Variants in MRPL46 observed in about 807,000 individuals in gnomAD.
MRPL46 encodes mitochondrial ribosomal protein L46, also known as large ribosomal subunit protein mL46.
MRPL46 carries 26 observed loss-of-function variants against 31.0 expected under a neutral mutation model. The ratio of observed to expected loss-of-function variants is 0.84; its 90% CI spans 0.61 to 1.16. The LOEUF (loss-of-function observed/expected upper bound fraction) is 1.16, where lower values mean the gene tolerates loss of function less well. MRPL46 is among the 50% of genes most tolerant of loss of function. The pLI, the probability that MRPL46 is intolerant of heterozygous loss-of-function variation, is 0.00. For missense variants in MRPL46, 395 were observed against 340.0 expected (o/e 1.16, Z -1.27); for synonymous variants, 159 against 141.3 (o/e 1.13, Z -0.89).
rs1191883328 is a variant in MRPL46 at position 88,459,480 on chromosome 15, G to C, written c.*133C>G. On this transcript the variant is annotated 3_prime_UTR_variant, in exon 4 of 4. Coordinates refer to ENST00000312475, the MANE Select transcript of MRPL46 (RefSeq NM_022163.4). Reference sequence around the variant, plus strand: ...GGGCAAATCAGCTGAGACCAACACAGTAATAGACTCGTTTATTTCTCAGAA... The same window carrying C: ...GGGCAAATCAGCTGAGACCAACACACTAATAGACTCGTTTATTTCTCAGAA... 3 of 1,377,798 alleles carry C rather than the reference G, an allele frequency of 2.2e-6. No homozygotes were observed. The highest frequency in any genetic ancestry group is 2.9e-5 in the African/African-American group (2 of 69,626). The allele number at this position is 1,377,798 out of a possible 1,614,324, so 85.3% of individuals were successfully genotyped here.
Position 88,465,762 on chromosome 15 carries a change from C to G in MRPL46, c.240G>C (p.Glu80Asp), listed in dbSNP as rs1420169652. The G allele has an allele frequency of 6.3e-7, 1 of 1,583,032 alleles. No homozygotes were observed. The highest frequency in any genetic ancestry group is 2.0e-5 in the Admixed American group (1 of 51,012). Reference sequence around the variant, plus strand: ...GCTCGTGGTCTGAATACAGGCTTCTCTCTATCTCAATCTGGGAAAATTCAA... The same window carrying G: ...GCTCGTGGTCTGAATACAGGCTTCTGTCTATCTCAATCTGGGAAAATTCAA... ...MASLLQQIEIERSLYSDHELR... is the reference protein window; with the variant it reads ...MASLLQQIEIDRSLYSDHELR... Residue 80 changes from glutamate (E) to aspartate (D), a missense_variant, in exon 2 of 4, where the codon GAG becomes GAC. Coordinates refer to ENST00000312475, the MANE Select transcript of MRPL46 (RefSeq NM_022163.4).
At position 88,459,798 on chromosome 15, in the gene MRPL46, G is replaced by A. The variant is rs367735118; in HGVS notation, c.655C>T (p.Gln219Ter). 1.9e-6 allele frequency: 3 copies of A among 1,614,060 alleles called. No individual in the cohort carries two copies. Among genetic ancestry groups the A allele is most frequent in the African/African-American group, 2.7e-5 (2 of 74,922 alleles). ...PCGHYTFKFP[Q>*]AMRTESNLGA... ...AGGTTACTCTCTGTCCGCATTGCCT[G>A]GGGGAACTTGAATGTGTAGTGCCCA... The change falls in exon 4 of 4, where the codon CAG (glutamine) becomes TAG (stop). Residue 219 changes from glutamine to a stop codon, truncating the protein, a stop_gained. Coordinates refer to ENST00000312475, the MANE Select transcript of MRPL46 (RefSeq NM_022163.4). LOFTEE classifies it high-confidence loss of function.
intron 2 of MRPL46, 117 bp from the exon 3 acceptor site, chr15:88,464,993 C>T: frequency 1.8e-6 from 2 of 1,117,136 alleles, no homozygotes; most frequent in Non-Finnish European, 2.5e-6. Context: ...GAGCTTAGAA[C>T]CAAATTACAC....
At chr15:88,466,079 AGT>A (rs1292733439) in intron 1 of MRPL46, among the ~76,000 whole-genome samples, 6 of 152,208 alleles carry the variant, frequency 3.9e-5, no homozygotes, top group African/African-American at 1.2e-4. Context: ...CAGTCATGTC[AGT>A]CTTTGATCAG....
chr15:88,459,914 T>C (rs1264314410), intron 3 of MRPL46, 51 bp from the exon 4 acceptor site: 18 of 1,598,698 alleles, frequency 1.1e-5, no homozygotes, highest in Non-Finnish European at 1.5e-5. Flanking sequence ...GATACAGCCA[T>C]CTGTTTACTC....
chr15:88,462,654 C>T (rs2055488188), intron 3 of MRPL46: 1 of 152,184 alleles, frequency 6.6e-6, no homozygotes, highest in Non-Finnish European at 1.5e-5. Flanking sequence ...CTGCACTTAC[C>T]AAAAACTGAA....
Position 88,465,629 on chromosome 15 carries a change from C to T in MRPL46, c.373G>A (p.Glu125Lys). The T allele has an allele frequency of 6.2e-7, 1 of 1,613,026 alleles. No homozygotes were observed. Among genetic ancestry groups the T allele is most frequent in the Non-Finnish European group, 8.5e-7 (1 of 1,179,766 alleles). The change falls in exon 2 of 4, where the codon GAG becomes AAG. Residue 125 changes from glutamate (E) to lysine (K), a missense_variant. Transcript: ENST00000312475. ...LLAQDLEDMW[E>K]QKFLQFKLGA... is the part of the protein sequence containing the mutation. Reference sequence around the variant, plus strand: ...AGTTTGAACTGTAGAAATTTCTGCTCCCACATATCTTCCAAATCTTGCGCC... The same window carrying T: ...AGTTTGAACTGTAGAAATTTCTGCTTCCACATATCTTCCAAATCTTGCGCC...
intron 1 of MRPL46, among the ~76,000 whole-genome samples, chr15:88,466,425 T>C (rs534500705): frequency 1.5e-4 from 23 of 152,226 alleles, no homozygotes; most frequent in Non-Finnish European, 2.8e-4. Flanking sequence ...CTCACTCAAC[T>C]AGACTGAAGT....
At chr15:88,462,682 C>G (rs1363418139) in intron 3 of MRPL46, 1 of 152,166 alleles carries the variant, frequency 6.6e-6, no homozygotes, top group Middle Eastern at 3.2e-3. Context: ...CATCTTTGAC[C>G]CATTAATTCT....
chr15:88,467,346 C>G lies in MRPL46; in HGVS notation c.32G>C (p.Gly11Ala), dbSNP rs568047810. 1.3e-6 allele frequency: 2 copies of G among 1,597,852 alleles called. No individual in the cohort carries two copies. Among genetic ancestry groups the G allele is most frequent in the Non-Finnish European group, 1.7e-6 (2 of 1,172,164 alleles). ...GAACCGCCGCCAACCCCCCGCCACC[C>G]CTAACAGCGTCCGCCTTACGGGCGC... MAAPVRRTLL[G>A]VAGGWRRFER... Residue 11 changes from glycine (G) to alanine (A), a missense_variant, in exon 1 of 4, where the codon GGG becomes GCG. Gly to Ala is a moderately conservative substitution (Grantham distance 60). Transcript: ENST00000312475.
rs764597330 is a variant in MRPL46 at position 88,467,171 on chromosome 15, C to A, written c.207G>T (p.Glu69Asp). The A allele has an allele frequency of 3.7e-6, 6 of 1,614,078 alleles. No homozygotes were observed. In the South Asian group the frequency reaches 6.6e-5, roughly 18 times the overall value. Reference protein sequence around the residue: ...VSKPLTPLQEEMASLLQQIEI... With the variant: ...VSKPLTPLQEDMASLLQQIEI... ...CCACCTGCTGCAGTAGAGACGCCAT[C>A]TCTTCCTGCAATGGGGTCAACGGCT... The change falls in exon 1 of 4, where the codon GAG becomes GAT. Residue 69 changes from glutamate (E) to aspartate (D), a missense_variant. By Grantham distance (45) the Glu-to-Asp change is conservative. Transcript: ENST00000312475.
In MRPL46 at chr15:88,467,225, C is replaced by A. The variant is rs766526326; in HGVS notation, c.153G>T (p.Leu51Phe). 4.3e-6 allele frequency: 7 copies of A among 1,614,050 alleles called. No homozygotes were observed. The highest frequency in any genetic ancestry group is 5.1e-6 in the Non-Finnish European group (6 of 1,180,036). ...AGACTACAGGTGGCCGCTGCAGGCACAACGCGCCCAACAAGCGCCATGGGG... is the reference window on the plus strand; with the variant it reads ...AGACTACAGGTGGCCGCTGCAGGCAAAACGCGCCCAACAAGCGCCATGGGG... ...NGSPWRLLGA[L>F]CLQRPPVVSK... The change falls in exon 1 of 4, where the codon TTG becomes TTT. Residue 51 changes from leucine (L) to phenylalanine (F), a missense_variant. Leu to Phe is a conservative substitution (Grantham distance 22, BLOSUM62 0). Transcript: ENST00000312475.
chr15:88,466,880 T>C lies in MRPL46; in HGVS notation c.228+270A>G, dbSNP rs145197571. On this transcript the variant is annotated intron_variant, in intron 1 of 3. Transcript: ENST00000312475. ...TCCCTCCAGACTTGTAAGCTCCTAG[T>C]GACACGGACCGATTCTTGTTCACCA... Among the ~76,000 whole-genome samples, 394 of 152,342 alleles carry C rather than the reference T, an allele frequency of 2.6e-3. 3 individuals carry two copies. Among genetic ancestry groups the C allele is most frequent in the African/African-American group, 8.9e-3 (372 of 41,582 alleles).
rs1342541931 is a variant in MRPL46, at chr15:88,463,900, C to T, written c.589+803G>A. The T allele has an allele frequency of 6.6e-6, 1 of 152,172 alleles. No individual in the cohort carries two copies. Among genetic ancestry groups the T allele is most frequent in the Non-Finnish European group, 1.5e-5 (1 of 68,042 alleles). 9.4% of individuals were successfully genotyped at this position (152,172 alleles called of 1,614,324 possible). A position where few individuals can be genotyped will look rare whatever the true frequency, so the allele number is the denominator to read the frequency against. Reference sequence around the variant, plus strand: ...TTTATTGGAAACCTTTTAAGAATTCCATGCAGAGAAGTGACAAGGGATGTG... The same window carrying T: ...TTTATTGGAAACCTTTTAAGAATTCTATGCAGAGAAGTGACAAGGGATGTG... On this transcript the variant is annotated intron_variant, in intron 3 of 3. Transcript: ENST00000312475. This position sits in a 1 kb window ranked among gnomAD's most constrained non-coding sequence, Gnocchi z 5.4.
rs2055456376 is a variant in MRPL46 at position 88,459,525 on chromosome 15, T to C, written c.*88A>G. 6 of 1,557,772 alleles carry C rather than the reference T, an allele frequency of 3.9e-6. No homozygotes were observed. The highest frequency in any genetic ancestry group is 2.7e-5 in the African/African-American group (2 of 73,396). ...TCAGAATTTAGTTTGCTGCTTGATA[T>C]TACCTGCAAATGTGAGGCAATCACA... is the stretch of plus-strand genomic sequence containing the variant. On this transcript the variant is annotated 3_prime_UTR_variant, in exon 4 of 4. Coordinates refer to ENST00000312475, the MANE Select transcript of MRPL46 (RefSeq NM_022163.4).
chr15:88,466,246 TAA>T (rs1160634073), intron 1 of MRPL46, among the ~76,000 whole-genome samples: 1 of 152,238 alleles, frequency 6.6e-6, no homozygotes, highest in Non-Finnish European at 1.5e-5. Context: ...ACATTTCTCA[TAA>T]AGAGAAAAAC....
rs1407372915 is a variant in MRPL46, at chr15:88,464,640, A to G, written c.589+63T>C. 5 of 1,542,866 alleles carry G rather than the reference A, an allele frequency of 3.2e-6. No individual in the cohort carries two copies. The African/African-American group carries it at 7.1e-5, about 22-fold the overall frequency. On this transcript the variant is annotated intron_variant, in intron 3 of 3. Transcript: ENST00000312475. ...CTTAATCCAATTCCCCAGTCAGCCT[A>G]AAAATCCTCTGGCTGAGTCTGAAGT... is the stretch of plus-strand genomic sequence containing the variant.
In MRPL46 at chr15:88,467,153, C is replaced by A; in HGVS notation, c.225G>T (p.Gln75His). The A allele has an allele frequency of 6.2e-7, 1 of 1,613,778 alleles. No individual in the cohort carries two copies. ...GAACCCTGCATCTCAGTCCCACCTGCTGCAGTAGAGACGCCATCTCTTCCT... is the reference window on the plus strand; with the variant it reads ...GAACCCTGCATCTCAGTCCCACCTGATGCAGTAGAGACGCCATCTCTTCCT... The part of the protein sequence containing the change: ...PLQEEMASLL[Q>H]QIEIERSLYS... The change falls in exon 1 of 4, where the codon CAG (glutamine) becomes CAT (histidine). Residue 75 changes from glutamine to histidine, a missense_variant. By Grantham distance (24) the Gln-to-His change is conservative. Coordinates refer to ENST00000312475, the MANE Select transcript of MRPL46 (RefSeq NM_022163.4).
intron 3 of MRPL46, chr15:88,460,797 G>C (rs2055471551): frequency 6.6e-6 from 1 of 151,936 alleles, no homozygotes; most frequent in Non-Finnish European, 1.5e-5. Context: ...GTGCAGTCGT[G>C]CAATCTTGGT....
Sources: allele counts gnomAD v4.1 joint callset (sites outside exome capture counted in the v4.1 genomes callset), GRCh38; gene constraint gnomAD v4.1.1; non-coding constraint Gnocchi (gnomAD v3.1); transcripts MANE v1.5; gene names NCBI Gene and HGNC (gene_info 2026-07-23, HGNC 2026-07-21).